The following SEC24A variants were observed in gnomAD, a reference collection of about 807,000 sequenced individuals.
SEC24A encodes the protein protein transport protein Sec24A.
In SEC24A, 93 loss-of-function variants were observed where a neutral mutation model predicts 129.4. The observed-to-expected ratio is 0.72, with a 90% CI of 0.61 to 0.85. The LOEUF (loss-of-function observed/expected upper bound fraction) is 0.85. Ranked by LOEUF, SEC24A falls within the 40% of genes least tolerant of loss-of-function variation. SEC24A has a pLI of 0.00. For missense variants in SEC24A, 1,264 were observed against 1,307.4 expected (o/e 0.97, Z 0.51); for synonymous variants, 460 against 467.3 (o/e 0.98, Z 0.20).
At chr5:134,713,903 G>A (rs987599618) in intron 18 of SEC24A, among the ~76,000 whole-genome samples, 1 of 151,320 alleles carries the variant, frequency 6.6e-6, no homozygotes, top group South Asian at 2.1e-4. Context: ...TTAGCCGGGT[G>A]TGGTGTCGCG....
At chr5:134,691,170 CTTT>C (rs59710898) in intron 11 of SEC24A, among the ~76,000 whole-genome samples, 7 of 117,836 alleles carry the variant, frequency 5.9e-5, no homozygotes, top group Admixed American at 1.8e-4. Context: ...TAGTCCCATT[CTTT>C]TTTTTTTTTT....
intron 4 of SEC24A, among the ~76,000 whole-genome samples, chr5:134,673,035 A>G (rs1032532674): frequency 2.7e-5 from 4 of 148,154 alleles, no homozygotes; most frequent in Non-Finnish European, 4.5e-5. Flanking sequence ...GAACCATCTC[A>G]CACGGCCCAT....
chr5:134,664,407 G>A (rs112692230), intron 2 of SEC24A, among the ~76,000 whole-genome samples: 2 of 152,196 alleles, frequency 1.3e-5, no homozygotes, highest in African/African-American at 4.8e-5. Context: ...TGAGAGGGCA[G>A]ACTCTGAAAC....
intron 7 of SEC24A, among the ~76,000 whole-genome samples, chr5:134,677,238 A>G (rs1751096508): frequency 6.6e-6 from 1 of 152,010 alleles, no homozygotes; most frequent in African/African-American, 2.4e-5. Flanking sequence ...TGAGCCCAGG[A>G]GGTTGAGGCT....
chr5:134,675,669 G>T (rs1029413757), intron 6 of SEC24A, among the ~76,000 whole-genome samples: 1 of 151,904 alleles, frequency 6.6e-6, no homozygotes, highest in Non-Finnish European at 1.5e-5. Flanking sequence ...AGAATCTTCA[G>T]CAAAACTGAA....
chr5:134,658,766 A>G (rs937074439), intron 1 of SEC24A, among the ~76,000 whole-genome samples: 1 of 152,132 alleles, frequency 6.6e-6, no homozygotes, highest in Non-Finnish European at 1.5e-5. Context: ...TGGAAAACAG[A>G]CGACTTATAG....
intron 17 of SEC24A, among the ~76,000 whole-genome samples, chr5:134,705,829 T>TAA (rs1180892468): frequency 2.0e-5 from 3 of 151,884 alleles, no homozygotes; most frequent in Non-Finnish European, 4.4e-5. Flanking sequence ...AAGTAACCAC[T>TAA]AAACTACTTT....
At chr5:134,711,186 A>C (rs932790674) in intron 18 of SEC24A, among the ~76,000 whole-genome samples, 1 of 152,020 alleles carries the variant, frequency 6.6e-6, no homozygotes, top group African/African-American at 2.4e-5. Context: ...CATGTTGGCC[A>C]GATGCCATGG....
intron 7 of SEC24A, among the ~76,000 whole-genome samples, chr5:134,677,192 C>A (rs1580701342): frequency 6.6e-6 from 1 of 152,000 alleles, no homozygotes; most frequent in Non-Finnish European, 1.5e-5. Flanking sequence ...CCAGCTTAGT[C>A]CTGGCTACTC....
intron 9 of SEC24A, among the ~76,000 whole-genome samples, chr5:134,686,213 C>A (rs1751445457): frequency 6.6e-6 from 1 of 151,890 alleles, no homozygotes; most frequent in Non-Finnish European, 1.5e-5. Flanking sequence ...AGCAGTTGAA[C>A]CTTGCTAATA....
intron 8 of SEC24A, among the ~76,000 whole-genome samples, chr5:134,681,137 C>T (rs1454799511): frequency 6.7e-6 from 1 of 149,878 alleles, no homozygotes; most frequent in African/African-American, 2.4e-5. Flanking sequence ...GTGGCTCATG[C>T]CTGTAATCCC....
chr5:134,697,378 T>G, intron 14 of SEC24A, 132 bp downstream of exon 14: 1 of 724,594 alleles, frequency 1.4e-6, no homozygotes, highest in Non-Finnish European at 2.2e-6. Context: ...GTCAGTTTAG[T>G]CTATTAAAAA....
intron 17 of SEC24A, among the ~76,000 whole-genome samples, chr5:134,706,830 A>G (rs1358861450): frequency 2.6e-5 from 4 of 152,176 alleles, no homozygotes; most frequent in Admixed American, 2.0e-4. Context: ...AGCTGGGACT[A>G]CAGGCGCACG....
intron 16 of SEC24A, 150 bp downstream of exon 16, chr5:134,704,082 TTATG>T: frequency 3.1e-6 from 1 of 321,312 alleles, no homozygotes. Context: ...ATTTATTTAT[TTATG>T]TAGAGACAGA....
intron 7 of SEC24A, among the ~76,000 whole-genome samples, chr5:134,677,873 A>T (rs887664032): frequency 3.3e-5 from 5 of 151,824 alleles, no homozygotes; most frequent in African/African-American, 1.2e-4. Context: ...TTCTTTAAAG[A>T]TGAGATGCTA....
rs757934084 is a variant in SEC24A at position 134,718,052 on chromosome 5, T to C, written c.2866-17T>C. 3.8e-6 allele frequency: 6 copies of C among 1,593,266 alleles called. No individual in the cohort carries two copies. Among genetic ancestry groups the C allele is most frequent in the African/African-American group, 1.3e-5 (1 of 74,628 alleles). On this transcript the variant is annotated splice_polypyrimidine_tract_variant and intron_variant, in intron 19 of 22. Coordinates refer to ENST00000398844, the MANE Select transcript of SEC24A (RefSeq NM_021982.3). ...TTCCTATATTTAAAACCTTTACTCT[T>C]TTACTTAATTCCTCAGGGAGCACTC...
intron 17 of SEC24A, among the ~76,000 whole-genome samples, chr5:134,706,595 G>A (rs1482734526): frequency 2.0e-5 from 3 of 152,202 alleles, no homozygotes; most frequent in African/African-American, 2.4e-5. Context: ...TACCTCCTGG[G>A]CTCAAGGGAT....
intron 22 of SEC24A, 68 bp downstream of exon 22, chr5:134,723,738 T>G: frequency 2.4e-6 from 2 of 846,304 alleles, no homozygotes; most frequent in Non-Finnish European, 2.0e-6. Flanking sequence ...CTGACAAGAG[T>G]ATAGCAAAAA....
chr5:134,678,054 CGTT>C (rs1452803812), intron 7 of SEC24A, among the ~76,000 whole-genome samples: 1 of 152,040 alleles, frequency 6.6e-6, no homozygotes, highest in Non-Finnish European at 1.5e-5. Flanking sequence ...CCGGGTCTCT[CGTT>C]GTCACCCAGG....
Sources: gnomAD v4.1 joint callset for allele counts (sites outside exome capture counted in the v4.1 genomes callset) on GRCh38, gnomAD v4.1.1 for gene constraint, MANE v1.5 for transcripts, NCBI Gene and HGNC (gene_info 2026-07-23, HGNC 2026-07-21) for gene names.